MTSS1: variants seen among roughly 807,000 people sequenced by gnomAD.
MTSS1 encodes the protein protein MTSS 1.
Under a neutral mutation model 79.0 loss-of-function variants are expected in MTSS1, and 18 were observed. That is an observed-to-expected ratio of 0.23 (90% confidence interval 0.16 to 0.34). The LOEUF is 0.34. MTSS1 is among the 10% of genes least tolerant of loss of function. The pLI, the probability that MTSS1 is intolerant of heterozygous loss-of-function variation, is 1.00. For missense variants in MTSS1, 815 were observed against 986.2 expected (o/e 0.83, Z 2.33); for synonymous variants, 341 against 368.6 (o/e 0.93, Z 0.86).
intron 3 of MTSS1, among the ~76,000 whole-genome samples, chr8:124,669,142 A>G (rs1245538343): frequency 3.9e-5 from 6 of 152,222 alleles, no homozygotes; most frequent in African/African-American, 1.4e-4. Context: ...CACACCAAAA[A>G]TACAATCCTC....
chr8:124,661,534 C>G (rs188695239), intron 3 of MTSS1, among the ~76,000 whole-genome samples: 230 of 152,296 alleles, frequency 1.5e-3, no homozygotes, highest in Non-Finnish European at 2.3e-3. Context: ...GTGTGACCAT[C>G]AGCTTGAAAA....
At chr8:124,667,569 G>A (rs540712156) in intron 3 of MTSS1, among the ~76,000 whole-genome samples, 153 of 152,186 alleles carry the variant, frequency 1.0e-3, no homozygotes, top group African/African-American at 3.1e-3. Flanking sequence ...GCTTGAACCC[G>A]GGAAGCAAAG....
intron 3 of MTSS1, among the ~76,000 whole-genome samples, chr8:124,658,637 T>C (rs1310199025): frequency 6.6e-6 from 1 of 152,128 alleles, no homozygotes; most frequent in Admixed American, 6.5e-5. Flanking sequence ...AAGAGGGAGC[T>C]AGGAGCTTCA....
rs2131697196 is a variant in MTSS1, at chr8:124,553,952, A to T, written c.1568-260T>A. On this transcript the variant is annotated intron_variant, in intron 13 of 13. Transcript: ENST00000518547. This position sits in a 1 kb window ranked among gnomAD's most constrained non-coding sequence, Gnocchi z 6.0. ...AGGCACTCAAATATCGTCAATGGGGAAGAAGGTAAAGCTGCTAGGCTGCAG... is the reference window on the plus strand; with the variant it reads ...AGGCACTCAAATATCGTCAATGGGGTAGAAGGTAAAGCTGCTAGGCTGCAG... Among the ~76,000 whole-genome samples the T allele has an allele frequency of 6.6e-6, 1 of 152,314 alleles. No individual in the cohort carries two copies. Among genetic ancestry groups the T allele is most frequent in the East Asian group, 1.9e-4 (1 of 5,184 alleles).
At position 124,728,022 on chromosome 8, in the gene MTSS1, C is replaced by T; in HGVS notation, c.-67G>A. 9 of 1,440,826 alleles carry T rather than the reference C, an allele frequency of 6.2e-6. No homozygotes were observed. Among genetic ancestry groups the T allele is most frequent in the Middle Eastern group, 1.7e-4 (1 of 5,732 alleles). The allele number at this position is 1,440,826 out of a possible 1,614,324, so 89.3% of individuals were successfully genotyped here. On this transcript the variant is annotated 5_prime_UTR_variant, in exon 1 of 14. Transcript: ENST00000518547. This position sits in a 1 kb window ranked among gnomAD's most constrained non-coding sequence, Gnocchi z 6.1. ...CTGGACTGCGCGCGGGGCCGGGGCTCGCTCACCCCAGAAGGAATTTCACCT... is the reference window on the plus strand; with the variant it reads ...CTGGACTGCGCGCGGGGCCGGGGCTTGCTCACCCCAGAAGGAATTTCACCT...
intron 3 of MTSS1, among the ~76,000 whole-genome samples, chr8:124,685,633 A>T (rs989907972): frequency 4.6e-5 from 7 of 152,078 alleles, no homozygotes; most frequent in African/African-American, 1.5e-4. Flanking sequence ...CATATTCAAC[A>T]CACCTGGGGC....
intron 3 of MTSS1, among the ~76,000 whole-genome samples, chr8:124,675,415 C>A (rs1202889172): frequency 6.6e-6 from 1 of 152,172 alleles, no homozygotes; most frequent in Non-Finnish European, 1.5e-5. Flanking sequence ...CAAGTACATC[C>A]AGGCTGACAG....
chr8:124,636,081 C>T (rs557107222), intron 3 of MTSS1, among the ~76,000 whole-genome samples: 5 of 152,228 alleles, frequency 3.3e-5, no homozygotes, highest in Admixed American at 6.5e-5. Context: ...GTCCAAAGAG[C>T]GCAGCCCTGC....
chr8:124,578,877 C>T (rs193274880), intron 6 of MTSS1, among the ~76,000 whole-genome samples: 201 of 152,174 alleles, frequency 1.3e-3, no homozygotes, highest in African/African-American at 3.6e-3. Context: ...CACGCCAACG[C>T]GCCCAGCCAA....
intron 1 of MTSS1, among the ~76,000 whole-genome samples, chr8:124,718,978 G>C (rs1292459263): frequency 6.6e-6 from 1 of 152,130 alleles, no homozygotes; most frequent in Admixed American, 6.6e-5. Flanking sequence ...CTAGATTTTT[G>C]TGTGTTCTTA....
intron 3 of MTSS1, among the ~76,000 whole-genome samples, chr8:124,640,724 A>C (rs191490379): frequency 3.9e-5 from 6 of 152,106 alleles, no homozygotes; most frequent in Non-Finnish European, 7.4e-5. Flanking sequence ...TTGTATTTTT[A>C]GTAGAGATGG....
rs137884874 is a variant in MTSS1, at chr8:124,582,311, A to C, written c.460+2776T>G. ...AATATTTAAACACCTTTAGATTACA[A>C]ACCACCTCTCTATATAGTAAGAAAG... On this transcript the variant is annotated intron_variant, in intron 6 of 13. Coordinates refer to ENST00000518547, the MANE Select transcript of MTSS1 (RefSeq NM_014751.6). The surrounding 1 kb of genome is among the most constrained non-coding windows in gnomAD (Gnocchi z 4.8). Among the ~76,000 whole-genome samples the C allele has an allele frequency of 2.0e-4, 31 of 152,272 alleles. No individual in the cohort carries two copies. The East Asian group carries it at 5.8e-3, about 28-fold the overall frequency.
intron 3 of MTSS1, among the ~76,000 whole-genome samples, chr8:124,695,387 A>G (rs1564011147): frequency 6.6e-6 from 1 of 152,220 alleles, no homozygotes; most frequent in Non-Finnish European, 1.5e-5. Context: ...AACCAAGGAT[A>G]TTCTTTCTGG....
chr8:124,584,397 AT>A (rs1830507186), intron 6 of MTSS1, among the ~76,000 whole-genome samples: 1 of 152,230 alleles, frequency 6.6e-6, no homozygotes, highest in Non-Finnish European at 1.5e-5. Context: ...AAGTCCCTAC[AT>A]TTTTAGGTGG....
chr8:124,641,367 C>T lies in MTSS1; in HGVS notation c.209-50132G>A, dbSNP rs139828706. On this transcript the variant is annotated intron_variant, in intron 3 of 13. Transcript: ENST00000518547. ...AGAGAAAAGAATAAAAGGATTGAGACACAATTAAGATGGGTTCAAATAACC... is the reference window on the plus strand; with the variant it reads ...AGAGAAAAGAATAAAAGGATTGAGATACAATTAAGATGGGTTCAAATAACC... Among the ~76,000 whole-genome samples, 32 of 152,314 alleles carry T rather than the reference C, an allele frequency of 2.1e-4. No individual in the cohort carries two copies. The East Asian group carries it at 5.8e-3, about 28-fold the overall frequency.
chr8:124,555,204 G>T (rs900673969), intron 13 of MTSS1, among the ~76,000 whole-genome samples: 3 of 152,104 alleles, frequency 2.0e-5, no homozygotes, highest in African/African-American at 7.2e-5. Context: ...TGTATATGAT[G>T]CTGCAAAACG....
chr8:124,601,307 C>A (rs1027820301), intron 3 of MTSS1, among the ~76,000 whole-genome samples: 8 of 152,124 alleles, frequency 5.3e-5, no homozygotes, highest in Admixed American at 2.0e-4. Flanking sequence ...GGTGATCCAC[C>A]CGCCTTGACC....
chr8:124,602,759 C>T lies in MTSS1; in HGVS notation c.209-11524G>A, dbSNP rs560303348. 8.5e-5 allele frequency among the ~76,000 whole-genome samples: 13 copies of T among 152,272 alleles called. No homozygotes were observed. In the South Asian group the frequency reaches 2.3e-3, roughly 27 times the overall value. ...ATAAGGTGGATCTCTTAGGTGATCT[C>T]CAGGTTAGACTGGATGACCCCTCTT... On this transcript the variant is annotated intron_variant, in intron 3 of 13. Coordinates refer to ENST00000518547, the MANE Select transcript of MTSS1 (RefSeq NM_014751.6).
rs56313535 is a variant in MTSS1 at position 124,564,129 on chromosome 8, C to CAAAA, written c.825-1141_825-1138dup. On this transcript the variant is annotated intron_variant, in intron 9 of 13. Transcript: ENST00000518547. ...TGGACAACAGAACGAGACCCGATCT[C>CAAAA]AAAAAAAAAAAAAAAAAAAAAATGC... is the stretch of plus-strand genomic sequence containing the variant. 1.0e-3 allele frequency among the ~76,000 whole-genome samples: 88 copies of CAAAA among 87,774 alleles called. 3 individuals carry two copies. The highest frequency in any genetic ancestry group is 3.9e-3 in the African/African-American group (79 of 20,102). 57.6% of individuals were successfully genotyped at this position (87,774 alleles called of 152,430 possible).
Sources: allele counts gnomAD v4.1 joint callset (sites outside exome capture counted in the v4.1 genomes callset), GRCh38; gene constraint gnomAD v4.1.1; non-coding constraint Gnocchi (gnomAD v3.1); transcripts MANE v1.5; gene names NCBI Gene and HGNC (gene_info 2026-07-23, HGNC 2026-07-21).